Variants in JMJD1C observed in about 807,000 individuals in gnomAD.
JMJD1C encodes the protein jumonji domain-containing protein 1C.
Under a neutral mutation model 245.3 loss-of-function variants are expected in JMJD1C, and 31 were observed. The observed-to-expected ratio is 0.13, with a 90% CI of 0.09 to 0.17. The LOEUF is 0.17. Among genes scored for constraint, JMJD1C ranks in the 10% least tolerant of loss-of-function variants. JMJD1C has a pLI of 1.00. For missense variants in JMJD1C, 2,691 were observed against 3,000.2 expected (o/e 0.90, Z 2.41); for synonymous variants, 1,057 against 1,017.4 (o/e 1.04, Z -0.74).
Position 63,214,237 on chromosome 10 carries a change from C to A in JMJD1C, c.1930G>T (p.Val644Phe). 1 of 1,613,984 alleles carries A rather than the reference C, an allele frequency of 6.2e-7. No individual in the cohort carries two copies. The highest frequency in any genetic ancestry group is 8.5e-7 in the Non-Finnish European group (1 of 1,179,992). ...HKIKSSPSPE[V>F]VKPKITHSPD... is the part of the protein sequence containing the mutation. ...GAATGAGTTATTTTGGGTTTAACAA[C>A]TTCAGGTGATGGGCTGGATTTTATC... Residue 644 changes from valine (V) to phenylalanine (F), a missense_variant, in exon 8 of 26, where the codon GTT becomes TTT. Around this residue, in one of 9 missense-constraint regions of JMJD1C, gnomAD observed 1,562 missense variants for 1,490.7 expected, o/e 1.05. Coordinates refer to ENST00000399262, the MANE Select transcript of JMJD1C (RefSeq NM_032776.3).
intron 3 of JMJD1C, among the ~76,000 whole-genome samples, chr10:63,233,100 G>C (rs1850216759): frequency 6.6e-6 from 1 of 152,102 alleles, no homozygotes; most frequent in Non-Finnish European, 1.5e-5. Context: ...ACTCTGACCT[G>C]AAGGCTTTCA....
intron 1 of JMJD1C, among the ~76,000 whole-genome samples, chr10:63,496,829 G>A (rs899152820): frequency 6.6e-6 from 1 of 152,334 alleles, no homozygotes; most frequent in East Asian, 1.9e-4. Flanking sequence ...ACATATGTCA[G>A]TTCTGAGCAA....
chr10:63,387,640 T>TAA (rs1427304885), intron 1 of JMJD1C, among the ~76,000 whole-genome samples: 1 of 113,364 alleles, frequency 8.8e-6, no homozygotes, highest in East Asian at 2.3e-4. Context: ...TTTTTTTTTT[T>TAA]TTTTTTTTTT....
intron 1 of JMJD1C, among the ~76,000 whole-genome samples, chr10:63,400,456 A>C (rs900932960): frequency 6.6e-6 from 1 of 152,160 alleles, no homozygotes; most frequent in Non-Finnish European, 1.5e-5. Context: ...ATAGGTGAAC[A>C]TTGTTAACTC....
At chr10:63,423,180 T>C (rs1443268751) in intron 1 of JMJD1C, among the ~76,000 whole-genome samples, 1 of 152,038 alleles carries the variant, frequency 6.6e-6, no homozygotes, top group Non-Finnish European at 1.5e-5. Flanking sequence ...AGCCAGGCTG[T>C]TCTTAAACTC....
At chr10:63,250,316 C>G (rs1589284429) in intron 3 of JMJD1C, among the ~76,000 whole-genome samples, 2 of 152,056 alleles carry the variant, frequency 1.3e-5, no homozygotes, top group Admixed American at 6.6e-5. Flanking sequence ...TGCACCAAGC[C>G]AAAAGAATTT....
intron 3 of JMJD1C, among the ~76,000 whole-genome samples, chr10:63,247,552 C>G (rs1010067574): frequency 2.0e-5 from 3 of 151,772 alleles, no homozygotes; most frequent in African/African-American, 7.3e-5. Flanking sequence ...ACCAGCCTGG[C>G]CAACATGGTG....
chr10:63,484,422 T>C (rs1953928563), intron 1 of JMJD1C, among the ~76,000 whole-genome samples: 1 of 152,164 alleles, frequency 6.6e-6, no homozygotes, highest in South Asian at 2.1e-4. Flanking sequence ...GTATGTAACT[T>C]CTAGTGTATG....
intron 2 of JMJD1C, among the ~76,000 whole-genome samples, chr10:63,376,293 A>G: frequency 6.6e-6 from 1 of 152,232 alleles, no homozygotes; most frequent in Non-Finnish European, 1.5e-5. Flanking sequence ...TTAATTCACC[A>G]AAATTTGTGA....
chr10:63,185,128 T>G (rs1843975895), intron 20 of JMJD1C, among the ~76,000 whole-genome samples: 1 of 152,098 alleles, frequency 6.6e-6, no homozygotes, highest in Admixed American at 6.6e-5. Flanking sequence ...ACCAACTCAG[T>G]TTTGCTATCA....
intron 2 of JMJD1C, among the ~76,000 whole-genome samples, chr10:63,296,866 A>T (rs935655085): frequency 6.6e-6 from 1 of 152,004 alleles, no homozygotes; most frequent in African/African-American, 2.4e-5. Context: ...AGGATAGACA[A>T]TTTTTTTTAA....
chr10:63,360,351 C>T (rs569956033), intron 2 of JMJD1C, among the ~76,000 whole-genome samples: 2 of 152,108 alleles, frequency 1.3e-5, no homozygotes, highest in Admixed American at 1.3e-4. Context: ...ACAGTGAGAC[C>T]CTGTCTCCGA....
At chr10:63,168,283 TA>T in intron 25 of JMJD1C, 149 bp from the exon 26 acceptor site, 1 of 997,020 alleles carries the variant, frequency 1.0e-6, no homozygotes, top group South Asian at 1.6e-5. Flanking sequence ...AGGGACACTA[TA>T]AATCATACAA....
chr10:63,187,190 T>G (rs1335630132), intron 18 of JMJD1C, among the ~76,000 whole-genome samples: 2 of 152,190 alleles, frequency 1.3e-5, no homozygotes, highest in East Asian at 3.8e-4. Flanking sequence ...ACTACATGGT[T>G]GAATGTTCCA....
At chr10:63,279,229 A>G (rs1857147172) in intron 2 of JMJD1C, among the ~76,000 whole-genome samples, 1 of 152,204 alleles carries the variant, frequency 6.6e-6, no homozygotes. Flanking sequence ...CAGCCTGGGC[A>G]AAAGAGCAAA....
At chr10:63,511,556 A>G (rs932354318) in intron 1 of JMJD1C, among the ~76,000 whole-genome samples, 2 of 152,148 alleles carry the variant, frequency 1.3e-5, no homozygotes, top group African/African-American at 4.8e-5. Context: ...CTAAAAATAC[A>G]AAAATTAGCC....
chr10:63,452,190 T>C (rs928581236), intron 1 of JMJD1C, among the ~76,000 whole-genome samples: 12 of 152,208 alleles, frequency 7.9e-5, no homozygotes, highest in African/African-American at 2.9e-4. Context: ...TCTAATCATT[T>C]AGCTGATAAG....
chr10:63,213,719 C>T lies in JMJD1C; in HGVS notation c.2448G>A (p.Glu816=), dbSNP rs1159098892. The part of the protein sequence containing the change: ...ASLLGGHPRL[E]SAHASSLSHL... ...GGCTCAAGCTGCTGGCATGAGCACT[C>T]TCTAGTCGTGGGTGGCCACCAAGTA... Residue 816 remains glutamate (E), a synonymous_variant, in exon 8 of 26, where the codon GAG becomes GAA. Transcript: ENST00000399262. 2 of 1,614,166 alleles carry T rather than the reference C, an allele frequency of 1.2e-6. No individual in the cohort carries two copies. Among genetic ancestry groups the T allele is most frequent in the Non-Finnish European group, 1.7e-6 (2 of 1,180,024 alleles).
intron 1 of JMJD1C, among the ~76,000 whole-genome samples, chr10:63,513,211 G>T (rs1252500285): frequency 6.6e-6 from 1 of 152,098 alleles, no homozygotes; most frequent in Non-Finnish European, 1.5e-5. Context: ...AATGGGGAAA[G>T]GATTCCCTAT....
Sources: allele counts gnomAD v4.1 joint callset (sites outside exome capture counted in the v4.1 genomes callset), GRCh38; gene constraint gnomAD v4.1.1; regional missense constraint gnomAD v4.1.1; transcripts MANE v1.5; gene names NCBI Gene and HGNC (gene_info 2026-07-23, HGNC 2026-07-21).